SLC39A11: variants seen among roughly 807,000 people sequenced by gnomAD.
SLC39A11 encodes zinc transporter ZIP11.
A neutral mutation model predicts 36.1 loss-of-function variants in SLC39A11; 33 were observed. The observed-to-expected ratio is 0.91, with a 90% CI of 0.69 to 1.22. The LOEUF (loss-of-function observed/expected upper bound fraction) is 1.22. SLC39A11 is among the 50% of genes most tolerant of loss of function. The pLI is 0.00. For synonymous variants in SLC39A11, 166 were observed against 170.3 expected, an observed-to-expected ratio of 0.97 and a Z score of 0.20; for missense variants, 432 against 430.3, an observed-to-expected ratio of 1.00 and a Z score of -0.03.
chr17:72,845,541 T>C (rs1481418223), intron 6 of SLC39A11, among the ~76,000 whole-genome samples: 1 of 152,236 alleles, frequency 6.6e-6, no homozygotes, highest in Non-Finnish European at 1.5e-5. Flanking sequence ...TCTAACACTC[T>C]ACCGTCTCCT....
At chr17:72,771,357 A>AAAAC (rs1032308106) in intron 6 of SLC39A11, among the ~76,000 whole-genome samples, 1 of 147,766 alleles carries the variant, frequency 6.8e-6, no homozygotes, top group Non-Finnish European at 1.5e-5. Context: ...CCCTATCTAA[A>AAAAC]AAAAAAAAAA....
At chr17:72,801,339 G>T (rs912606711) in intron 6 of SLC39A11, among the ~76,000 whole-genome samples, 10 of 152,198 alleles carry the variant, frequency 6.6e-5, no homozygotes, top group African/African-American at 2.4e-4. Context: ...TCCTGCCTCA[G>T]CCTCCTGAGT....
chr17:72,781,839 G>A (rs1293779375), intron 6 of SLC39A11, among the ~76,000 whole-genome samples: 3 of 150,964 alleles, frequency 2.0e-5, no homozygotes, highest in Non-Finnish European at 2.9e-5. Flanking sequence ...ACAGACTCTC[G>A]GTACATTTCA....
chr17:73,054,645 T>C (rs918829888), intron 3 of SLC39A11, among the ~76,000 whole-genome samples: 2 of 151,602 alleles, frequency 1.3e-5, no homozygotes, highest in Non-Finnish European at 2.9e-5. Flanking sequence ...CCATCTCTAC[T>C]AAAAACACAA....
At chr17:72,788,624 A>C (rs1227166873) in intron 6 of SLC39A11, among the ~76,000 whole-genome samples, 1 of 152,242 alleles carries the variant, frequency 6.6e-6, no homozygotes, top group African/African-American at 2.4e-5. Context: ...TACACACATA[A>C]TTTTGGGAGG....
intron 5 of SLC39A11, among the ~76,000 whole-genome samples, chr17:72,922,977 A>AC (rs2083773431): frequency 6.8e-6 from 1 of 146,640 alleles, no homozygotes; most frequent in Non-Finnish European, 1.5e-5. Flanking sequence ...AAAAAAAAAA[A>AC]AAAAAAAAAA....
At position 73,018,962 on chromosome 17, in the gene SLC39A11, A is replaced by G. The variant is rs562655731; in HGVS notation, c.306+12594T>C. On this transcript the variant is annotated intron_variant, in intron 4 of 9. Coordinates refer to ENST00000255559, the MANE Select transcript of SLC39A11 (RefSeq NM_139177.4). Reference sequence around the variant, plus strand: ...GAGCAGCCATAGAAAAAGTCACATTACATATAGGAGAACAATGCTGACTTC... The same window carrying G: ...GAGCAGCCATAGAAAAAGTCACATTGCATATAGGAGAACAATGCTGACTTC... 5.3e-5 allele frequency among the ~76,000 whole-genome samples: 8 copies of G among 152,322 alleles called. No individual in the cohort carries two copies. The East Asian group carries it at 1.2e-3, about 22-fold the overall frequency.
chr17:72,778,609 T>A (rs546615484), intron 6 of SLC39A11, among the ~76,000 whole-genome samples: 1 of 152,364 alleles, frequency 6.6e-6, no homozygotes, highest in African/African-American at 2.4e-5. Flanking sequence ...CTGAGACATC[T>A]TGAGCTAGGA....
chr17:72,840,883 G>A (rs1256072652), intron 6 of SLC39A11, among the ~76,000 whole-genome samples: 3 of 151,426 alleles, frequency 2.0e-5, no homozygotes, highest in Admixed American at 6.6e-5. Context: ...GTGAAACCCC[G>A]TCTCTACTAA....
chr17:72,849,749 A>G lies in SLC39A11; in HGVS notation c.486T>C (p.Leu162=). 1 of 1,608,016 alleles carries G rather than the reference A, an allele frequency of 6.2e-7. No homozygotes were observed. The highest frequency in any genetic ancestry group is 8.5e-7 in the Non-Finnish European group (1 of 1,178,002). Residue 162 remains leucine (L), a synonymous_variant, in exon 6 of 10, where the codon CTT becomes CTC. Coordinates refer to ENST00000255559, the MANE Select transcript of SLC39A11 (RefSeq NM_139177.4). ...GCACAGGGACAGCAGGACCCTCTGG[A>G]AGGCCAGTGGCTGCCGCCTTCTTTC... ...YQRKKAAATG[L]PEGPAVPVPS...
Position 72,959,325 on chromosome 17 carries a change from G to GTGTATA in SLC39A11, c.307-11451_307-11450insTATACA, listed in dbSNP as rs1436484912. 3.0e-3 allele frequency among the ~76,000 whole-genome samples: 199 copies of GTGTATA among 65,496 alleles called. 1 individual carries two copies. Among genetic ancestry groups the GTGTATA allele is most frequent in the African/African-American group, 5.3e-3 (77 of 14,510 alleles). 43.0% of individuals were successfully genotyped at this position (65,496 alleles called of 152,430 possible). A position where few individuals can be genotyped will look rare whatever the true frequency, so the allele number is the denominator to read the frequency against. On this transcript the variant is annotated intron_variant, in intron 4 of 9. Transcript: ENST00000255559. ...CTGGTGTATGTATGTGTGTGTGTGT[G>GTGTATA]TATATATATATATATATATATATAT...
chr17:72,696,670 C>A (rs1415999344), intron 7 of SLC39A11, among the ~76,000 whole-genome samples: 13 of 152,204 alleles, frequency 8.5e-5, no homozygotes, highest in Admixed American at 7.9e-4. Flanking sequence ...ACTGCCACAC[C>A]CCACCAGGGA....
intron 6 of SLC39A11, among the ~76,000 whole-genome samples, chr17:72,751,402 T>C (rs1167788810): frequency 6.6e-6 from 1 of 152,190 alleles, no homozygotes. Flanking sequence ...CCTCTCATCG[T>C]CTAGGTTTTA....
At chr17:73,022,416 G>A (rs1020210416) in intron 4 of SLC39A11, among the ~76,000 whole-genome samples, 10 of 151,964 alleles carry the variant, frequency 6.6e-5, no homozygotes, top group Non-Finnish European at 2.9e-5. Context: ...CCAACATGGC[G>A]AAACCTGGTC....
At chr17:72,970,556 A>T (rs2087361418) in intron 4 of SLC39A11, among the ~76,000 whole-genome samples, 1 of 150,408 alleles carries the variant, frequency 6.6e-6, no homozygotes, top group African/African-American at 2.5e-5. Flanking sequence ...ATCAGCTTAA[A>T]GCTACACACA....
chr17:72,850,576 T>C (rs544296540), intron 5 of SLC39A11, among the ~76,000 whole-genome samples: 1 of 152,336 alleles, frequency 6.6e-6, no homozygotes, highest in African/African-American at 2.4e-5. Flanking sequence ...ACAAGCAATG[T>C]TGAGTCATGA....
chr17:72,985,190 G>C (rs945837020), intron 4 of SLC39A11, among the ~76,000 whole-genome samples: 4 of 152,224 alleles, frequency 2.6e-5, no homozygotes, highest in African/African-American at 9.6e-5. Flanking sequence ...AAGTGGCCTG[G>C]GAGGGACATA....
intron 3 of SLC39A11, among the ~76,000 whole-genome samples, chr17:73,055,155 G>A (rs2144044712): frequency 6.6e-6 from 1 of 152,350 alleles, no homozygotes; most frequent in South Asian, 2.1e-4. Context: ...GCTGCTGGCT[G>A]TCTCTGGAAG....
intron 5 of SLC39A11, among the ~76,000 whole-genome samples, chr17:72,929,786 T>A (rs949840301): frequency 4.6e-5 from 7 of 152,232 alleles, no homozygotes; most frequent in Admixed American, 4.6e-4. Flanking sequence ...TTAAGCACTC[T>A]ATAGAATAAA....
Sources: gnomAD v4.1 joint callset for allele counts (sites outside exome capture counted in the v4.1 genomes callset) on GRCh38, gnomAD v4.1.1 for gene constraint, MANE v1.5 for transcripts, NCBI Gene and HGNC (gene_info 2026-07-23, HGNC 2026-07-21) for gene names.